The following GALNTL6 variants were observed in gnomAD, a reference collection of about 807,000 sequenced individuals.
GALNTL6 encodes polypeptide N-acetylgalactosaminyltransferase like 6, also known as polypeptide N-acetylgalactosaminyltransferase-like 6.
A neutral mutation model predicts 73.7 loss-of-function variants in GALNTL6; 46 were observed. The observed-to-expected ratio is 0.62, with a 90% CI of 0.49 to 0.80. The LOEUF (loss-of-function observed/expected upper bound fraction) is 0.80, where lower values mean the gene tolerates loss of function less well. GALNTL6 is among the 30% of genes least tolerant of loss of function. The pLI is 0.00. For missense variants in GALNTL6, 604 were observed against 755.0 expected (o/e 0.80, Z 2.34); for synonymous variants, 259 against 263.7 (o/e 0.98, Z 0.17).
chr4:172,160,942 G>A (rs1225745009), intron 2 of GALNTL6, among the ~76,000 whole-genome samples: 1 of 149,342 alleles, frequency 6.7e-6, no homozygotes, highest in African/African-American at 2.5e-5. Context: ...ACATACACAT[G>A]TATATATATA....
intron 5 of GALNTL6, among the ~76,000 whole-genome samples, chr4:172,617,000 C>G (rs1422233979): frequency 6.6e-6 from 1 of 151,974 alleles, no homozygotes; most frequent in Non-Finnish European, 1.5e-5. Context: ...TTCCAGGTCT[C>G]AAAGCTCTTG....
chr4:172,798,676 C>T (rs558648584), intron 5 of GALNTL6, among the ~76,000 whole-genome samples: 24 of 152,274 alleles, frequency 1.6e-4, no homozygotes, highest in African/African-American at 5.3e-4. Context: ...GGTTACTTAT[C>T]CAAGCTATGA....
chr4:172,483,304 A>G (rs1236685238), intron 5 of GALNTL6, among the ~76,000 whole-genome samples: 7 of 152,174 alleles, frequency 4.6e-5, no homozygotes. Flanking sequence ...TTGAAGGAGA[A>G]GTAGAATTTT....
At chr4:172,257,432 G>T (rs924202826) in intron 3 of GALNTL6, among the ~76,000 whole-genome samples, 3 of 151,404 alleles carry the variant, frequency 2.0e-5, no homozygotes, top group African/African-American at 4.8e-5. Context: ...ACTTTAGTCG[G>T]CCAGGAATTG....
intron 5 of GALNTL6, among the ~76,000 whole-genome samples, chr4:172,491,036 GACA>G (rs1360162774): frequency 2.6e-4 from 1 of 3,906 alleles, no homozygotes; most frequent in African/African-American, 3.7e-4. Context: ...CAAAAACAAA[GACA>G]AAAAAAAAAC....
At chr4:172,396,947 T>C (rs79826127) in intron 5 of GALNTL6, among the ~76,000 whole-genome samples, 2,519 of 152,314 alleles carry the variant, frequency 0.017, 63 homozygotes, top group African/African-American at 0.057. Context: ...TAATATATAA[T>C]CTGTCCTTGA....
chr4:172,103,947 C>A (rs1205238267), intron 2 of GALNTL6, among the ~76,000 whole-genome samples: 7 of 123,548 alleles, frequency 5.7e-5, no homozygotes, highest in Non-Finnish European at 1.0e-4. Flanking sequence ...TTTTCTTTTT[C>A]TCTTTTTTTT....
Position 172,601,733 on chromosome 4 carries a change from G to A in GALNTL6, c.554-207628G>A, listed in dbSNP as rs75369966. Among the ~76,000 whole-genome samples, 1,544 of 152,114 alleles carry A rather than the reference G, an allele frequency of 0.01. 74 individuals are homozygous for A. The East Asian group carries it at 0.16, about 15-fold the overall frequency. On this transcript the variant is annotated intron_variant, in intron 5 of 12. Coordinates refer to ENST00000506823, the MANE Select transcript of GALNTL6 (RefSeq NM_001034845.3). ...CAACACAAAATGAACTAATACATTA[G>A]AGACCTCTGAAACAACAGCAAGCAG...
At chr4:172,115,075 T>C (rs1691653822) in intron 2 of GALNTL6, among the ~76,000 whole-genome samples, 1 of 152,130 alleles carries the variant, frequency 6.6e-6, no homozygotes, top group African/African-American at 2.4e-5. Context: ...TGAACTATTC[T>C]TAAGAGCTCT....
At chr4:172,530,159 C>A (rs1735121434) in intron 5 of GALNTL6, among the ~76,000 whole-genome samples, 1 of 152,042 alleles carries the variant, frequency 6.6e-6, no homozygotes, top group Non-Finnish European at 1.5e-5. Flanking sequence ...AGCTACCAAC[C>A]TTTATGACTG....
intron 2 of GALNTL6, among the ~76,000 whole-genome samples, chr4:172,177,395 A>T (rs1469229083): frequency 6.6e-6 from 1 of 152,132 alleles, no homozygotes. Flanking sequence ...TTACCTCCAG[A>T]TAGAAGAAAT....
At chr4:172,864,585 C>G (rs1483384740) in intron 7 of GALNTL6, among the ~76,000 whole-genome samples, 2 of 152,120 alleles carry the variant, frequency 1.3e-5, no homozygotes, top group Non-Finnish European at 2.9e-5. Context: ...CATGATATCT[C>G]TATTTCAGTT....
chr4:171,850,059 G>A (rs904697616), intron 2 of GALNTL6, among the ~76,000 whole-genome samples: 6 of 152,238 alleles, frequency 3.9e-5, no homozygotes, highest in African/African-American at 9.6e-5. Flanking sequence ...TCTGCTTCCC[G>A]GTTTCAAGCG....
chr4:171,818,914 C>T (rs145342330), intron 2 of GALNTL6, among the ~76,000 whole-genome samples: 46 of 152,040 alleles, frequency 3.0e-4, no homozygotes, highest in African/African-American at 9.9e-4. Context: ...ATATTTTTTC[C>T]AGTGGCTTTT....
At chr4:172,710,960 G>A (rs966725651) in intron 5 of GALNTL6, among the ~76,000 whole-genome samples, 2 of 152,052 alleles carry the variant, frequency 1.3e-5, no homozygotes, top group African/African-American at 4.8e-5. Flanking sequence ...TATAGGTACT[G>A]GGGATACAAC....
chr4:172,711,502 G>A (rs1287154319), intron 5 of GALNTL6, among the ~76,000 whole-genome samples: 4 of 152,042 alleles, frequency 2.6e-5, no homozygotes, highest in African/African-American at 7.2e-5. Context: ...CTGGCTTTTG[G>A]GTGAATATAA....
intron 2 of GALNTL6, among the ~76,000 whole-genome samples, chr4:172,004,986 T>A (rs1163078949): frequency 1.3e-5 from 2 of 152,148 alleles, no homozygotes; most frequent in Admixed American, 1.3e-4. Flanking sequence ...TTGCTTAAGT[T>A]CTTTGAATAA....
chr4:172,056,592 C>G lies in GALNTL6; in HGVS notation c.139-173064C>G, dbSNP rs144943145. 5.2e-3 allele frequency among the ~76,000 whole-genome samples: 795 copies of G among 152,114 alleles called. 5 individuals carry two copies. Among genetic ancestry groups the G allele is most frequent in the African/African-American group, 0.018 (754 of 41,536 alleles). On this transcript the variant is annotated intron_variant, in intron 2 of 12. Transcript: ENST00000506823. ...TGTATCAATATTTATTTCCTTCAGT[C>G]TCTTGTGAAACTGCTAAAATTAAGT...
intron 2 of GALNTL6, among the ~76,000 whole-genome samples, chr4:172,022,699 G>GA (rs567611475): frequency 8.0e-5 from 12 of 149,366 alleles, no homozygotes; most frequent in South Asian, 2.1e-4. Flanking sequence ...CCTGTTTGGG[G>GA]AAAAAAAAAA....
Sources: allele counts gnomAD v4.1 joint callset (sites outside exome capture counted in the v4.1 genomes callset), GRCh38; gene constraint gnomAD v4.1.1; transcripts MANE v1.5; gene names NCBI Gene and HGNC (gene_info 2026-07-23, HGNC 2026-07-21).